Variants in ZG16B observed in about 807,000 individuals in gnomAD.
The protein encoded by ZG16B is pancreatic adenocarcinoma up-regulated factor.
A neutral mutation model predicts 7.0 loss-of-function variants in ZG16B; 8 were observed. The ratio of observed to expected loss-of-function variants is 1.15; its 90% confidence interval spans 0.68 to 2.08. The LOEUF (loss-of-function observed/expected upper bound fraction) is 2.08, where lower values mean the gene tolerates loss of function less well. ZG16B is among the 30% of genes most tolerant of loss of function. The probability of loss-of-function intolerance (pLI) is 0.00; values close to 1 mark genes in which losing one functional copy is unlikely to be tolerated. For synonymous variants in ZG16B, 92 were observed against 86.1 expected (o/e 1.07, Z -0.38); for missense variants, 232 against 211.0 (o/e 1.10, Z -0.62).
Position 2,830,800 on chromosome 16 carries a change from A to T in ZG16B, c.155+4A>T, listed in dbSNP as rs1567280607. On this transcript the variant is annotated splice_donor_region_variant and intron_variant, in intron 3 of 3. Transcript: ENST00000382280. ...TAGGTCTTCTCCTGGTGAAAAGGTG[A>T]GTAGGGCTATGGTCATGGGCCCAGC... 1 of 1,613,940 alleles carries T rather than the reference A, an allele frequency of 6.2e-7. No individual in the cohort carries two copies. The highest frequency in any genetic ancestry group is 8.5e-7 in the Non-Finnish European group (1 of 1,179,938).
chr16:2,830,638 C>A, intron 2 of ZG16B, 56 bp from the exon 3 acceptor site: 1 of 1,598,286 alleles, frequency 6.3e-7, no homozygotes, highest in Non-Finnish European at 8.6e-7. Flanking sequence ...TGGCAGAGGT[C>A]ACCCCCATAT....
chr16:2,832,010 G>A lies in ZG16B; in HGVS notation c.370G>A (p.Glu124Lys). The A allele has an allele frequency of 6.2e-7, 1 of 1,614,198 alleles. No individual in the cohort carries two copies. The highest frequency in any genetic ancestry group is 8.5e-7 in the Non-Finnish European group (1 of 1,180,044). ...GATCTCCTCTGCCTACCCCAGCCAA[G>A]AGGGGCAGGTGCTGGTGGGCATCTA... ...GQISSAYPSQ[E>K]GQVLVGIYGQ... Residue 124 changes from glutamate (E) to lysine (K), a missense_variant, in exon 4 of 4, where the codon GAG becomes AAG. Physicochemically the swap from Glu to Lys is moderately conservative, Grantham distance 56. Coordinates refer to ENST00000382280, the MANE Select transcript of ZG16B (RefSeq NM_145252.3).
At chr16:2,830,939 T>C (rs1418374662) in intron 3 of ZG16B, 143 bp downstream of exon 3, 2 of 802,526 alleles carry the variant, frequency 2.5e-6, no homozygotes. Flanking sequence ...CTCCCGCTGA[T>C]GCTTCCTGGC....
chr16:2,830,892 T>C, intron 3 of ZG16B, 96 bp downstream of exon 3: 1 of 1,245,226 alleles, frequency 8.0e-7, no homozygotes, highest in Admixed American at 1.8e-5. Flanking sequence ...GTGGCCACTT[T>C]TGCCACACAT....
rs557975335 is a variant in ZG16B, at chr16:2,831,923, C to T, written c.283C>T (p.Arg95Trp). 17 of 1,614,086 alleles carry T rather than the reference C, an allele frequency of 1.1e-5. No homozygotes were observed. In the East Asian group the frequency reaches 2.0e-4, roughly 19 times the overall value. ...CTTTGTCGCCTTCCAAGCTTTCCTC[C>T]GGGGTATGGTCATGTACACCAGCAA... is the stretch of plus-strand genomic sequence containing the variant. ...KVFVAFQAFL[R>W]GMVMYTSKDR... Residue 95 changes from arginine (R) to tryptophan (W), a missense_variant, in exon 4 of 4, where the codon CGG becomes TGG. By Grantham distance (101) the Arg-to-Trp change is moderately radical (BLOSUM62 -3). Transcript: ENST00000382280.
chr16:2,831,826 C>T lies in ZG16B; in HGVS notation c.186C>T (p.Asp62=), dbSNP rs34763663. ...AGGTGAAACTTGGAGACTCCTGGGA[C>T]GTGAAACTGGGAGCCTTAGGTGGGA... The part of the protein sequence containing the change: ...SVQVKLGDSW[D]VKLGALGGNT... The change falls in exon 4 of 4, where the codon GAC becomes GAT. Residue 62 remains aspartate, a synonymous_variant. Coordinates refer to ENST00000382280, the MANE Select transcript of ZG16B (RefSeq NM_145252.3). 7,353 of 1,613,800 alleles carry T rather than the reference C, an allele frequency of 4.6e-3. 256 individuals carry two copies. In the African/African-American group the frequency reaches 0.085, roughly 19 times the overall value.
Position 2,832,165 on chromosome 16 carries a change from G to C in ZG16B, c.*6G>C. ...ACTCACCCGTGGGTCGCTAGGGTGGGGTATGGGGCCATCCGAGCTGAGGCC... is the reference window on the plus strand; with the variant it reads ...ACTCACCCGTGGGTCGCTAGGGTGGCGTATGGGGCCATCCGAGCTGAGGCC... On this transcript the variant is annotated 3_prime_UTR_variant, in exon 4 of 4. Coordinates refer to ENST00000382280, the MANE Select transcript of ZG16B (RefSeq NM_145252.3). 6.2e-7 allele frequency: 1 copy of C among 1,607,866 alleles called. No homozygotes were observed. The highest frequency in any genetic ancestry group is 8.5e-7 in the Non-Finnish European group (1 of 1,175,492).
In ZG16B at chr16:2,830,749, T is replaced by C. The variant is rs2150818098; in HGVS notation, c.108T>C (p.His36=). 1 of 1,614,130 alleles carries C rather than the reference T, an allele frequency of 6.2e-7. No homozygotes were observed. The highest frequency in any genetic ancestry group is 2.2e-5 in the East Asian group (1 of 44,878). Residue 36 remains histidine (H), a synonymous_variant, in exon 3 of 4, where the codon CAT becomes CAC. Transcript: ENST00000382280. The part of the protein sequence containing the change: ...KYFSTTEDYD[H]EITGLRVSVG... ...TCAGCACCACTGAAGACTACGACCATGAAATCACAGGGCTGCGGGTGTCTG... is the reference window on the plus strand; with the variant it reads ...TCAGCACCACTGAAGACTACGACCACGAAATCACAGGGCTGCGGGTGTCTG...
chr16:2,831,172 T>G lies in ZG16B; in HGVS notation c.155+376T>G, dbSNP rs2069253582. 4 of 210,056 alleles carry G rather than the reference T, an allele frequency of 1.9e-5. No individual in the cohort carries two copies. The South Asian group carries it at 3.3e-4, about 17-fold the overall frequency. 13.0% of individuals were successfully genotyped at this position (210,056 alleles called of 1,614,324 possible). ...GAAGTCCAGGGCCATTTCCTTAATATCGAAGTGTCTCTGCTGGAGGTCTGG... is the reference window on the plus strand; with the variant it reads ...GAAGTCCAGGGCCATTTCCTTAATAGCGAAGTGTCTCTGCTGGAGGTCTGG... On this transcript the variant is annotated intron_variant, in intron 3 of 3. Coordinates refer to ENST00000382280, the MANE Select transcript of ZG16B (RefSeq NM_145252.3).
rs1430994452 is a variant in ZG16B, at chr16:2,830,450, G to A, written c.9G>A (p.Leu3=). ML[L]LLTLALLGGP... ...TGCACCGGCCAGAGGCCATGCTGCTGCTGCTCACGCTTGCCCTCCTGGGGG... is the reference window on the plus strand; with the variant it reads ...TGCACCGGCCAGAGGCCATGCTGCTACTGCTCACGCTTGCCCTCCTGGGGG... Residue 3 remains leucine (L), a synonymous_variant, in exon 2 of 4, where the codon CTG becomes CTA. Transcript: ENST00000382280. 3.7e-6 allele frequency: 6 copies of A among 1,603,232 alleles called. No individual in the cohort carries two copies. Among genetic ancestry groups the A allele is most frequent in the Non-Finnish European group, 5.1e-6 (6 of 1,175,116 alleles).
rs529540312 is a variant in ZG16B at position 2,831,729 on chromosome 16, C to T, written c.156-67C>T. 2.5e-4 allele frequency: 387 copies of T among 1,543,648 alleles called. No individual in the cohort carries two copies. The African/African-American group carries it at 2.6e-3, about 10-fold the overall frequency. On this transcript the variant is annotated intron_variant, in intron 3 of 3. Coordinates refer to ENST00000382280, the MANE Select transcript of ZG16B (RefSeq NM_145252.3). Reference sequence around the variant, plus strand: ...TGCATCCCGGGAAGGAGGATGGGGGCGCTGAGGACCCGGGATGTGCTGGGC... The same window carrying T: ...TGCATCCCGGGAAGGAGGATGGGGGTGCTGAGGACCCGGGATGTGCTGGGC...
At chr16:2,830,352 G>A in intron 1 of ZG16B, 24 bp downstream of exon 1, 1 of 1,610,970 alleles carries the variant, frequency 6.2e-7, no homozygotes, top group Non-Finnish European at 8.5e-7. Context: ...CTCCATGGGT[G>A]GGGCCCGGCA....
At chr16:2,831,751 G>A (rs376349506) in intron 3 of ZG16B, 45 bp from the exon 4 acceptor site, 21 of 1,576,128 alleles carry the variant, frequency 1.3e-5, no homozygotes, top group Non-Finnish European at 1.7e-5. Flanking sequence ...GGGATGTGCT[G>A]GGCCATCCCA....
intron 3 of ZG16B, 27 bp downstream of exon 3, chr16:2,830,823 A>G (rs370955039): frequency 3.5e-5 from 56 of 1,608,974 alleles, no homozygotes; most frequent in Non-Finnish European, 4.6e-5. Flanking sequence ...TCATGGGCCC[A>G]GCGCCATGTC....
In ZG16B at chr16:2,830,712, G is replaced by C. The variant is rs1439461195; in HGVS notation, c.71G>C (p.Gly24Ala). The C allele has an allele frequency of 1.2e-6, 2 of 1,614,224 alleles. No homozygotes were observed. Among genetic ancestry groups the C allele is most frequent in the East Asian group, 2.2e-5 (1 of 44,886 alleles). ...TWAGKMYGPG[G>A]GKYFSTTEDY... The stretch of plus-strand genomic sequence containing the variant: ...TCTTCAGAGATGTATGGCCCTGGAG[G>C]AGGCAAGTATTTCAGCACCACTGAA... Residue 24 changes from glycine (G) to alanine (A), a missense_variant, in exon 3 of 4, where the codon GGA (glycine) becomes GCA (alanine). Coordinates refer to ENST00000382280, the MANE Select transcript of ZG16B (RefSeq NM_145252.3).
chr16:2,831,089 G>T (rs1053467057), intron 3 of ZG16B: 2 of 378,034 alleles, frequency 5.3e-6, no homozygotes, highest in Non-Finnish European at 1.0e-5. Flanking sequence ...AAGAAGACAG[G>T]AGGTAAGGGT....
intron 2 of ZG16B, 75 bp from the exon 3 acceptor site, chr16:2,830,618 TC>T (rs2069248673): frequency 1.3e-6 from 2 of 1,594,270 alleles, no homozygotes; most frequent in South Asian, 1.1e-5. Flanking sequence ...AGGGGTGGGG[TC>T]CCCTGTTCTG....
rs201046495 is a variant in ZG16B, at chr16:2,832,117, A to C, written c.477A>C (p.Pro159=). The change falls in exon 4 of 4, where the codon CCA becomes CCC. Residue 159 remains proline (P), a synonymous_variant. Transcript: ENST00000382280. ...TAGAGGAGCCGACCACTGAGCCACC[A>C]GTTAATCTCACATACTCAGCAAACT... ...YPLEEPTTEP[P]VNLTYSANSP... 3 of 1,614,112 alleles carry C rather than the reference A, an allele frequency of 1.9e-6. No homozygotes were observed. The Admixed American group carries it at 5.0e-5, about 27-fold the overall frequency.
intron 3 of ZG16B, chr16:2,831,296 G>T (rs76540501): frequency 5.2e-6 from 1 of 191,888 alleles, no homozygotes; most frequent in African/African-American, 2.4e-5. Flanking sequence ...GCGAGCCGGA[G>T]GGGTGCATCC....
Sources: allele counts gnomAD v4.1 joint callset, GRCh38; gene constraint gnomAD v4.1.1; transcripts MANE v1.5; gene names NCBI Gene and HGNC (gene_info 2026-07-23, HGNC 2026-07-21).